ADAMTS6: variants seen among roughly 807,000 people sequenced by gnomAD.
ADAMTS6 encodes ADAM metallopeptidase with thrombospondin type 1 motif 6.
Under a neutral mutation model 144.3 loss-of-function variants are expected in ADAMTS6, and 23 were observed. That is an observed-to-expected ratio of 0.16 (90% CI 0.11 to 0.23). The LOEUF (loss-of-function observed/expected upper bound fraction) is 0.23. Ranked by LOEUF, ADAMTS6 falls within the 10% of genes least tolerant of loss-of-function variation. The pLI is 1.00. For synonymous variants in ADAMTS6, 444 were observed against 457.5 expected (o/e 0.97, Z 0.38); for missense variants, 999 against 1,379.6 (o/e 0.72, Z 4.37).
At chr5:65,345,841 T>C (rs2150081786) in intron 7 of ADAMTS6, among the ~76,000 whole-genome samples, 1 of 152,000 alleles carries the variant, frequency 6.6e-6, no homozygotes, top group South Asian at 2.1e-4. Flanking sequence ...TACCTTTAAC[T>C]GTGTTAGGAT....
intron 7 of ADAMTS6, among the ~76,000 whole-genome samples, chr5:65,380,053 T>C (rs1436124784): frequency 6.6e-6 from 1 of 151,960 alleles, no homozygotes; most frequent in Non-Finnish European, 1.5e-5. Flanking sequence ...TGACAGCATA[T>C]CAGTAATAAA....
chr5:65,475,564 G>A (rs1760791867), intron 1 of ADAMTS6, among the ~76,000 whole-genome samples: 1 of 152,150 alleles, frequency 6.6e-6, no homozygotes, highest in African/African-American at 2.4e-5. Context: ...TGAGGGAGAT[G>A]ACTTCTGGGT....
In ADAMTS6 at chr5:65,172,713, A is replaced by C. The variant is rs1009198853; in HGVS notation, c.3087+119T>G. 7.5e-6 allele frequency: 9 copies of C among 1,201,118 alleles called. No homozygotes were observed. In the African/African-American group the frequency reaches 1.2e-4, roughly 16 times the overall value. The allele number at this position is 1,201,118 out of a possible 1,614,324, so 74.4% of individuals were successfully genotyped here. A position where few individuals can be genotyped will look rare whatever the true frequency, so the allele number is the denominator to read the frequency against. ...TGTTTCACACTCATGCCTCATACTT[A>C]GACTTCTACGTGTTAATTCTTACTC... is the stretch of plus-strand genomic sequence containing the variant. On this transcript the variant is annotated intron_variant, in intron 23 of 24. Coordinates refer to ENST00000381055, the MANE Select transcript of ADAMTS6 (RefSeq NM_197941.4).
At chr5:65,223,008 T>A (rs1213680886) in intron 18 of ADAMTS6, among the ~76,000 whole-genome samples, 1 of 151,598 alleles carries the variant, frequency 6.6e-6, no homozygotes, top group African/African-American at 2.4e-5. Flanking sequence ...AAAAAAATTT[T>A]AAATGGGTAA....
intron 15 of ADAMTS6, among the ~76,000 whole-genome samples, chr5:65,237,746 C>G (rs564473611): frequency 6.6e-6 from 1 of 152,124 alleles, no homozygotes; most frequent in African/African-American, 2.4e-5. Flanking sequence ...TACAATAACA[C>G]ATAAAAAAAT....
intron 9 of ADAMTS6, among the ~76,000 whole-genome samples, chr5:65,328,507 G>A (rs1746394998): frequency 1.4e-5 from 2 of 147,970 alleles, no homozygotes; most frequent in South Asian, 4.3e-4. Flanking sequence ...AACGTCAACT[G>A]TTTCTGTTTT....
At chr5:65,283,077 C>T (rs940091224) in intron 11 of ADAMTS6, among the ~76,000 whole-genome samples, 6 of 152,036 alleles carry the variant, frequency 3.9e-5, no homozygotes, top group African/African-American at 1.4e-4. Flanking sequence ...ATCAGTAACA[C>T]CTCTCAACAG....
intron 11 of ADAMTS6, among the ~76,000 whole-genome samples, chr5:65,290,863 C>T (rs1742233469): frequency 6.6e-6 from 1 of 151,680 alleles, no homozygotes; most frequent in Non-Finnish European, 1.5e-5. Context: ...CTTGTTCCTG[C>T]TTGGTTGTGG....
chr5:65,334,206 A>C (rs1448315773), intron 7 of ADAMTS6, 121 bp from the exon 8 acceptor site: 1 of 1,135,876 alleles, frequency 8.8e-7, no homozygotes, highest in Non-Finnish European at 1.2e-6. Context: ...TGAGCAATCA[A>C]CTGGAGTGTC....
At chr5:65,257,354 CA>C (rs1760774325) in intron 14 of ADAMTS6, among the ~76,000 whole-genome samples, 1 of 151,452 alleles carries the variant, frequency 6.6e-6, no homozygotes, top group Non-Finnish European at 1.5e-5. Flanking sequence ...ATCTTTAATT[CA>C]AATACATTTC....
Position 65,151,017 on chromosome 5 carries a change from C to A in ADAMTS6, c.*819G>T, listed in dbSNP as rs1028238457. On this transcript the variant is annotated 3_prime_UTR_variant, in exon 25 of 25. Transcript: ENST00000381055. ...CTGTACCATACCCCAGGTCTGGTTT[C>A]TGCATGAAATTGAAATGTTTTTCTC... The A allele has an allele frequency of 1.3e-5, 2 of 152,636 alleles. No individual in the cohort carries two copies. The highest frequency in any genetic ancestry group is 2.9e-5 in the Non-Finnish European group (2 of 68,042). The allele number at this position is 152,636 out of a possible 1,614,324, so 9.5% of individuals were successfully genotyped here. A position where few individuals can be genotyped will look rare whatever the true frequency, so the allele number is the denominator to read the frequency against.
In ADAMTS6 at chr5:65,462,783, G is replaced by A. The variant is rs73093229; in HGVS notation, c.463-2445C>T. On this transcript the variant is annotated intron_variant, in intron 3 of 24. Coordinates refer to ENST00000381055, the MANE Select transcript of ADAMTS6 (RefSeq NM_197941.4). Reference sequence around the variant, plus strand: ...CGTTGCTTACATTTTGGTGGGAGGAGCTAGAAAAAGCTAATTAGGTTGGCG... The same window carrying A: ...CGTTGCTTACATTTTGGTGGGAGGAACTAGAAAAAGCTAATTAGGTTGGCG... Among the ~76,000 whole-genome samples the A allele has an allele frequency of 3.1e-3, 477 of 152,212 alleles. 3 individuals are homozygous for A. The highest frequency in any genetic ancestry group is 0.011 in the African/African-American group (458 of 41,542).
chr5:65,437,411 T>G (rs1757523913), intron 7 of ADAMTS6, among the ~76,000 whole-genome samples: 1 of 152,068 alleles, frequency 6.6e-6, no homozygotes, highest in African/African-American at 2.4e-5. Context: ...CTCCCATTTT[T>G]AAAACCATCA....
chr5:65,213,269 G>GT (rs913258453), intron 20 of ADAMTS6, among the ~76,000 whole-genome samples: 4 of 147,416 alleles, frequency 2.7e-5, no homozygotes, highest in East Asian at 4.0e-4. Context: ...CATCTTTTTT[G>GT]TTTTTTTCAT....
At chr5:65,177,968 C>T (rs964178846) in intron 22 of ADAMTS6, among the ~76,000 whole-genome samples, 1 of 152,184 alleles carries the variant, frequency 6.6e-6, no homozygotes, top group African/African-American at 2.4e-5. Flanking sequence ...AGGTCAGTCC[C>T]CGAGGGCCAT....
intron 7 of ADAMTS6, among the ~76,000 whole-genome samples, chr5:65,340,251 C>A (rs985130614): frequency 6.6e-6 from 1 of 151,858 alleles, no homozygotes; most frequent in African/African-American, 2.4e-5. Context: ...AAAAATATGC[C>A]ACCAAAGAAT....
chr5:65,288,290 T>C (rs1350314053), intron 11 of ADAMTS6, among the ~76,000 whole-genome samples: 3 of 149,698 alleles, frequency 2.0e-5, no homozygotes, highest in Non-Finnish European at 4.4e-5. Context: ...GTTCTTTTTT[T>C]TTCTTTTTTC....
intron 14 of ADAMTS6, among the ~76,000 whole-genome samples, chr5:65,252,919 G>C (rs1760304745): frequency 6.6e-6 from 1 of 151,770 alleles, no homozygotes; most frequent in Non-Finnish European, 1.5e-5. Flanking sequence ...GTTGAGACAG[G>C]GTCTCTGTCA....
intron 23 of ADAMTS6, among the ~76,000 whole-genome samples, chr5:65,172,175 G>T: frequency 6.6e-6 from 1 of 151,506 alleles, no homozygotes; most frequent in Non-Finnish European, 1.5e-5. Flanking sequence ...AGCACTTTGG[G>T]AGGCCGAGGC....
Sources: allele counts gnomAD v4.1 joint callset (sites outside exome capture counted in the v4.1 genomes callset), GRCh38; gene constraint gnomAD v4.1.1; transcripts MANE v1.5; gene names NCBI Gene and HGNC (gene_info 2026-07-23, HGNC 2026-07-21).